DYNC2H1: variants seen among roughly 807,000 people sequenced by gnomAD.
DYNC2H1 encodes the protein cytoplasmic dynein 2 heavy chain 1.
DYNC2H1 carries 410 observed loss-of-function variants against 570.0 expected under a neutral mutation model. The ratio of observed to expected loss-of-function variants is 0.72; its 90% CI spans 0.66 to 0.78. DYNC2H1 has a LOEUF of 0.78. Among genes scored for constraint, DYNC2H1 ranks in the 30% least tolerant of loss-of-function variants. The pLI, the probability that DYNC2H1 is intolerant of heterozygous loss-of-function variation, is 0.00. For missense variants in DYNC2H1, 4,865 were observed against 5,046.4 expected (o/e 0.96, Z 1.09); for synonymous variants, 1,688 against 1,677.6 (o/e 1.01, Z -0.15).
chr11:103,317,957 G>A (rs12292880), intron 80 of DYNC2H1, among the ~76,000 whole-genome samples: 25,298 of 151,590 alleles, frequency 0.17, 2,300 homozygotes, highest in Admixed American at 0.26. Context: ...TCTTTGTCTC[G>A]TTAACTGTGT....
intron 80 of DYNC2H1, among the ~76,000 whole-genome samples, chr11:103,317,200 A>T (rs915170136): frequency 1.3e-5 from 2 of 152,004 alleles, no homozygotes; most frequent in African/African-American, 4.8e-5. Flanking sequence ...AGTAATCTCA[A>T]ACTTAAAAAT....
rs75598083 is a variant in DYNC2H1 at position 103,377,133 on chromosome 11, C to A, written c.12156+18774C>A. 8.3e-3 allele frequency among the ~76,000 whole-genome samples: 1,270 copies of A among 152,294 alleles called. 22 individuals are homozygous for A. Among genetic ancestry groups the A allele is most frequent in the African/African-American group, 0.029 (1,204 of 41,560 alleles). The stretch of plus-strand genomic sequence containing the variant: ...TAATCGGGGCCTTTTGAGCTTCTTG[C>A]ATCTGGATGTTCATATCTCTCCCAA... On this transcript the variant is annotated intron_variant, in intron 83 of 88. Coordinates refer to ENST00000375735, the MANE Select transcript of DYNC2H1 (RefSeq NM_001377.3).
intron 83 of DYNC2H1, among the ~76,000 whole-genome samples, chr11:103,382,365 A>G (rs1297493513): frequency 6.6e-6 from 1 of 152,200 alleles, no homozygotes; most frequent in Non-Finnish European, 1.5e-5. Context: ...AGATTTATGT[A>G]TCTGCCAAAT....
chr11:103,200,972 A>C (rs905001221), intron 50 of DYNC2H1, among the ~76,000 whole-genome samples: 4 of 151,966 alleles, frequency 2.6e-5, no homozygotes, highest in Non-Finnish European at 4.4e-5. Context: ...GATTACAGGC[A>C]TGCGCCACCA....
At chr11:103,270,825 T>C (rs1865683266) in intron 70 of DYNC2H1, among the ~76,000 whole-genome samples, 1 of 152,162 alleles carries the variant, frequency 6.6e-6, no homozygotes, top group Non-Finnish European at 1.5e-5. Flanking sequence ...GTTTTTGGGG[T>C]TTTCCATTTA....
Position 103,249,542 on chromosome 11 carries a change from A to C in DYNC2H1, c.10043-3743A>C, listed in dbSNP as rs2135243208. On this transcript the variant is annotated intron_variant, in intron 65 of 88. Coordinates refer to ENST00000375735, the MANE Select transcript of DYNC2H1 (RefSeq NM_001377.3). The surrounding 1 kb of genome is among the most constrained non-coding windows in gnomAD (Gnocchi z 4.6). Reference sequence around the variant, plus strand: ...ACAAGGATAACCACATTCCTAACTTACAACAGCATAGAGAAGTTTTGCTTC... The same window carrying C: ...ACAAGGATAACCACATTCCTAACTTCCAACAGCATAGAGAAGTTTTGCTTC... Among the ~76,000 whole-genome samples the C allele has an allele frequency of 6.6e-6, 1 of 152,118 alleles. No individual in the cohort carries two copies. Among genetic ancestry groups the C allele is most frequent in the East Asian group, 1.9e-4 (1 of 5,172 alleles).
Position 103,359,266 on chromosome 11 carries a change from G to A in DYNC2H1, c.12156+907G>A, listed in dbSNP as rs549479084. ...TGTAGTTTTAGTGATCATTAATGAA[G>A]TTGCGAGGACAGCTCATATTGCTAA... On this transcript the variant is annotated intron_variant, in intron 83 of 88. Transcript: ENST00000375735. Among the ~76,000 whole-genome samples the A allele has an allele frequency of 3.3e-5, 5 of 152,304 alleles. No individual in the cohort carries two copies. In the South Asian group the frequency reaches 8.3e-4, roughly 25 times the overall value.
chr11:103,241,472 T>A lies in DYNC2H1; in HGVS notation c.9820-2221T>A. ...CTTTGAAAAACTTAAGCATGTTTTCTTTGCTAAAAACATTTTGAAATGTTA... is the reference window on the plus strand; with the variant it reads ...CTTTGAAAAACTTAAGCATGTTTTCATTGCTAAAAACATTTTGAAATGTTA... On this transcript the variant is annotated intron_variant, in intron 63 of 88. Coordinates refer to ENST00000375735, the MANE Select transcript of DYNC2H1 (RefSeq NM_001377.3). The surrounding 1 kb of genome is among the most constrained non-coding windows in gnomAD (Gnocchi z 5.1). 6.6e-7 allele frequency: 1 copy of A among 1,519,702 alleles called. No individual in the cohort carries two copies. Among genetic ancestry groups the A allele is most frequent in the East Asian group, 2.3e-5 (1 of 43,626 alleles). The allele number at this position is 1,519,702 out of a possible 1,614,324, so 94.1% of individuals were successfully genotyped here.
At chr11:103,452,544 CTTTT>C (rs879294334) in intron 85 of DYNC2H1, among the ~76,000 whole-genome samples, 2 of 145,990 alleles carry the variant, frequency 1.4e-5, no homozygotes, top group South Asian at 4.3e-4. Flanking sequence ...ATATGGAAAA[CTTTT>C]TTTTTTTAGA....
rs1432341424 is a variant in DYNC2H1 at position 103,120,592 on chromosome 11, T to C, written c.1134+11T>C. 3.1e-6 allele frequency: 5 copies of C among 1,608,272 alleles called. No individual in the cohort carries two copies. The highest frequency in any genetic ancestry group is 4.2e-6 in the Non-Finnish European group (5 of 1,177,538). ...AATCCATATACTGAGGTTGTATATA[T>C]ATTTGTTTATGTCTGTACAGTTTCC... On this transcript the variant is annotated intron_variant, in intron 7 of 88. Coordinates refer to ENST00000375735, the MANE Select transcript of DYNC2H1 (RefSeq NM_001377.3).
At position 103,395,994 on chromosome 11, in the gene DYNC2H1, G is replaced by A. The variant is rs1056610473; in HGVS notation, c.12157-3669G>A. Among the ~76,000 whole-genome samples, 1 of 151,680 alleles carries A rather than the reference G, an allele frequency of 6.6e-6. No individual in the cohort carries two copies. The highest frequency in any genetic ancestry group is 2.4e-5 in the African/African-American group (1 of 41,330). ...GTTTTTACTTCTAATTTCCTTTTTT[G>A]CTTTTTAAAGTGACTGTTCATCGAG... On this transcript the variant is annotated intron_variant, in intron 83 of 88. Coordinates refer to ENST00000375735, the MANE Select transcript of DYNC2H1 (RefSeq NM_001377.3). The surrounding 1 kb of genome is among the most constrained non-coding windows in gnomAD (Gnocchi z 4.3).
At position 103,363,204 on chromosome 11, in the gene DYNC2H1, G is replaced by A. The variant is rs530038467; in HGVS notation, c.12156+4845G>A. Among the ~76,000 whole-genome samples, 2 of 152,172 alleles carry A rather than the reference G, an allele frequency of 1.3e-5. No homozygotes were observed. Among genetic ancestry groups the A allele is most frequent in the South Asian group, 4.1e-4 (2 of 4,820 alleles). On this transcript the variant is annotated intron_variant, in intron 83 of 88. Transcript: ENST00000375735. This position sits in a 1 kb window ranked among gnomAD's most constrained non-coding sequence, Gnocchi z 5.6. The stretch of plus-strand genomic sequence containing the variant: ...AACCTGTTTTTCTTAACACATCAGA[G>A]GTAAATGTGCAAGAATACTTTAATT...
At chr11:103,253,551 A>G in intron 66 of DYNC2H1, 103 bp downstream of exon 66, 1 of 1,140,408 alleles carries the variant, frequency 8.8e-7, no homozygotes, top group Non-Finnish European at 1.2e-6. Flanking sequence ...ATTAGTATTT[A>G]CATTTATGAT....
At chr11:103,282,295 G>A (rs1179930324) in intron 72 of DYNC2H1, 66 bp downstream of exon 72, 2 of 1,468,450 alleles carry the variant, frequency 1.4e-6, no homozygotes, top group Non-Finnish European at 1.9e-6. Flanking sequence ...TGTTCATGAG[G>A]TATAATTTGC....
intron 29 of DYNC2H1, among the ~76,000 whole-genome samples, chr11:103,162,049 G>C (rs1861114580): frequency 6.6e-6 from 1 of 152,156 alleles, no homozygotes. Context: ...ATTTGGTTAA[G>C]AGTTTTGTTT....
chr11:103,163,844 G>C lies in DYNC2H1; in HGVS notation c.4611+697G>C, dbSNP rs1056061557. Among the ~76,000 whole-genome samples the C allele has an allele frequency of 6.6e-6, 1 of 152,104 alleles. No individual in the cohort carries two copies. Among genetic ancestry groups the C allele is most frequent in the African/African-American group, 2.4e-5 (1 of 41,416 alleles). On this transcript the variant is annotated intron_variant, in intron 30 of 88. Transcript: ENST00000375735. The surrounding 1 kb of genome is among the most constrained non-coding windows in gnomAD (Gnocchi z 4.6). ...TTCTTACAGAAAAATCTACCCAGCA[G>C]CTCTCAAAGTTATTTGCTTTTCAAA...
chr11:103,225,264 C>T (rs1025302674), intron 59 of DYNC2H1, among the ~76,000 whole-genome samples: 6 of 152,026 alleles, frequency 3.9e-5, no homozygotes, highest in Admixed American at 3.9e-4. Flanking sequence ...AATTAAGTCC[C>T]GTCTGTTTAT....
Position 103,461,406 on chromosome 11 carries a change from A to G in DYNC2H1, c.12648+5050A>G, listed in dbSNP as rs775402460. On this transcript the variant is annotated intron_variant, in intron 87 of 88. Transcript: ENST00000375735. This position sits in a 1 kb window ranked among gnomAD's most constrained non-coding sequence, Gnocchi z 4.8. Reference sequence around the variant, plus strand: ...ACCCTTTAGACCTACTTGAGAGAACATATTTATGTATTGATTTTCAGTTCC... The same window carrying G: ...ACCCTTTAGACCTACTTGAGAGAACGTATTTATGTATTGATTTTCAGTTCC... Among the ~76,000 whole-genome samples the G allele has an allele frequency of 3.9e-5, 6 of 152,226 alleles. No individual in the cohort carries two copies. The highest frequency in any genetic ancestry group is 8.8e-5 in the Non-Finnish European group (6 of 68,040).
In DYNC2H1 at chr11:103,174,927, G is replaced by C. The variant is rs946026975; in HGVS notation, c.5674+757G>C. On this transcript the variant is annotated intron_variant, in intron 36 of 88. Coordinates refer to ENST00000375735, the MANE Select transcript of DYNC2H1 (RefSeq NM_001377.3). ...GAAAGGATTAAGCTCCACTCCTTGC[G>C]GGGTTTGGGGGGGTGGGGTGGGGTG... is the stretch of plus-strand genomic sequence containing the variant. 2.0e-5 allele frequency among the ~76,000 whole-genome samples: 3 copies of C among 147,244 alleles called. No individual in the cohort carries two copies. The Admixed American group carries it at 2.0e-4, about 10-fold the overall frequency.
Sources: allele counts gnomAD v4.1 joint callset (sites outside exome capture counted in the v4.1 genomes callset), GRCh38; gene constraint gnomAD v4.1.1; non-coding constraint Gnocchi (gnomAD v3.1); transcripts MANE v1.5; gene names NCBI Gene and HGNC (gene_info 2026-07-23, HGNC 2026-07-21).